RNF169: variants seen among roughly 807,000 people sequenced by gnomAD.
RNF169 encodes the protein ring finger protein 169, also known as E3 ubiquitin-protein ligase RNF169.
RNF169 carries 24 observed loss-of-function variants against 53.9 expected under a neutral mutation model. The observed-to-expected ratio is 0.45, with a 90% confidence interval of 0.32 to 0.63. The LOEUF is 0.63. Ranked by LOEUF, RNF169 falls within the 20% of genes least tolerant of loss-of-function variation. The pLI is 0.04. For synonymous variants in RNF169, 396 were observed against 363.5 expected (o/e 1.09, Z -1.02); for missense variants, 883 against 906.2 (o/e 0.97, Z 0.33).
chr11:74,834,071 A>G (rs2135152381), intron 4 of RNF169, among the ~76,000 whole-genome samples: 1 of 152,320 alleles, frequency 6.6e-6, no homozygotes, highest in South Asian at 2.1e-4. Flanking sequence ...TTCAGTATAG[A>G]ATCCAAGTAC....
At chr11:74,758,001 A>C (rs1591385898) in intron 1 of RNF169, among the ~76,000 whole-genome samples, 1 of 76,230 alleles carries the variant, frequency 1.3e-5, no homozygotes, top group Non-Finnish European at 2.2e-5. Flanking sequence ...TCTTTAGTTT[A>C]ATTAGATCCC....
chr11:74,767,950 A>T (rs1044936965), intron 1 of RNF169, among the ~76,000 whole-genome samples: 3 of 152,204 alleles, frequency 2.0e-5, no homozygotes, highest in Middle Eastern at 3.4e-3. Context: ...AGGTCTTGAG[A>T]TTACAGGTGT....
At position 74,841,114 on chromosome 11, in the gene RNF169, A is replaced by G. The variant is rs1449686905; in HGVS notation, c.*4384A>G. 2 of 152,174 alleles carry G rather than the reference A, an allele frequency of 1.3e-5. No individual in the cohort carries two copies. Among genetic ancestry groups the G allele is most frequent in the Non-Finnish European group, 2.9e-5 (2 of 68,038 alleles). 9.4% of individuals were successfully genotyped at this position (152,174 alleles called of 1,614,324 possible). ...TTTTGATTGGAATAATTTTAATTAA[A>G]TTTAATGATTTTAATTAAGAATTAA... On this transcript the variant is annotated 3_prime_UTR_variant, in exon 6 of 6. Transcript: ENST00000299563.
chr11:74,806,031 A>G (rs1446444551), intron 2 of RNF169, among the ~76,000 whole-genome samples: 2 of 152,160 alleles, frequency 1.3e-5, no homozygotes, highest in Non-Finnish European at 1.5e-5. Context: ...ACATGTATAT[A>G]TATACACACA....
At chr11:74,810,356 T>C (rs199997971) in intron 3 of RNF169, 26 bp downstream of exon 3, 50 of 1,609,978 alleles carry the variant, frequency 3.1e-5, no homozygotes, top group Non-Finnish European at 4.1e-5. Context: ...TTTTAATGGA[T>C]ACCTGCCTCA....
At chr11:74,778,988 G>A (rs930783878) in intron 1 of RNF169, among the ~76,000 whole-genome samples, 7 of 152,142 alleles carry the variant, frequency 4.6e-5, no homozygotes, top group South Asian at 2.1e-4. Context: ...GCAATACTGC[G>A]TATTATTAAA....
In RNF169 at chr11:74,839,203, T is replaced by G. The variant is rs1444626708; in HGVS notation, c.*2473T>G. 2 of 152,188 alleles carry G rather than the reference T, an allele frequency of 1.3e-5. No homozygotes were observed. Among genetic ancestry groups the G allele is most frequent in the East Asian group, 3.8e-4 (2 of 5,196 alleles). 9.4% of individuals were successfully genotyped at this position (152,188 alleles called of 1,614,324 possible). On this transcript the variant is annotated 3_prime_UTR_variant, in exon 6 of 6. Transcript: ENST00000299563. Reference sequence around the variant, plus strand: ...TGATGCCTAGGATGGTATTGACAGTTGTTTTCTAAACTTCCTGCTGAGCAA... The same window carrying G: ...TGATGCCTAGGATGGTATTGACAGTGGTTTTCTAAACTTCCTGCTGAGCAA...
chr11:74,835,540 T>C lies in RNF169; in HGVS notation c.943-6T>C. 2 of 1,608,660 alleles carry C rather than the reference T, an allele frequency of 1.2e-6. No homozygotes were observed. The highest frequency in any genetic ancestry group is 1.7e-6 in the Non-Finnish European group (2 of 1,175,726). On this transcript the variant is annotated splice_region_variant and splice_polypyrimidine_tract_variant and intron_variant, in intron 5 of 5. Coordinates refer to ENST00000299563, the MANE Select transcript of RNF169 (RefSeq NM_001098638.2). ...ATGAAGGCATAATCTTTTTAATCTC[T>C]TTCAGGTCACAACTATGACTCCAGC...
intron 1 of RNF169, among the ~76,000 whole-genome samples, chr11:74,771,046 A>AT (rs762053137): frequency 6.6e-6 from 1 of 151,910 alleles, no homozygotes. Flanking sequence ...ACCTCAGGTG[A>AT]TCCCCCCCGC....
intron 2 of RNF169, among the ~76,000 whole-genome samples, chr11:74,794,758 G>T (rs1251367987): frequency 6.6e-6 from 1 of 152,126 alleles, no homozygotes; most frequent in African/African-American, 2.4e-5. Context: ...ACAGAGAGGG[G>T]TCATGAGTGT....
At chr11:74,754,161 G>T (rs1227988641) in intron 1 of RNF169, among the ~76,000 whole-genome samples, 1 of 152,120 alleles carries the variant, frequency 6.6e-6, no homozygotes, top group Non-Finnish European at 1.5e-5. Flanking sequence ...AAATATTAAA[G>T]ATCTCTCTCT....
At chr11:74,781,893 G>A (rs2035421779) in intron 1 of RNF169, among the ~76,000 whole-genome samples, 1 of 152,170 alleles carries the variant, frequency 6.6e-6, no homozygotes, top group South Asian at 2.1e-4. Flanking sequence ...GATAACCATA[G>A]CACCTTCCCA....
intron 1 of RNF169, among the ~76,000 whole-genome samples, chr11:74,776,836 A>T (rs1183912146): frequency 1.3e-5 from 2 of 152,236 alleles, no homozygotes; most frequent in Non-Finnish European, 2.9e-5. Context: ...TAGTGGAGGC[A>T]GGATATGGCA....
intron 1 of RNF169, among the ~76,000 whole-genome samples, chr11:74,782,711 A>T (rs895668899): frequency 2.0e-5 from 3 of 152,182 alleles, no homozygotes; most frequent in Non-Finnish European, 2.9e-5. Context: ...AAAACACATT[A>T]GTCCTCAGTT....
At chr11:74,770,647 C>T (rs182011655) in intron 1 of RNF169, among the ~76,000 whole-genome samples, 1 of 152,220 alleles carries the variant, frequency 6.6e-6, no homozygotes, top group East Asian at 1.9e-4. Flanking sequence ...TACGTTTAGC[C>T]TCTTGGCTAG....
At chr11:74,801,256 G>C (rs2035725342) in intron 2 of RNF169, among the ~76,000 whole-genome samples, 1 of 152,176 alleles carries the variant, frequency 6.6e-6, no homozygotes, top group African/African-American at 2.4e-5. Flanking sequence ...TTGTATGCAA[G>C]AGATCGTTTG....
chr11:74,780,738 A>C (rs1341604717), intron 1 of RNF169, among the ~76,000 whole-genome samples: 1 of 152,228 alleles, frequency 6.6e-6, no homozygotes, highest in Non-Finnish European at 1.5e-5. Flanking sequence ...GTTGAGAATA[A>C]CTAGAAAAGC....
At chr11:74,768,222 A>C (rs1357560219) in intron 1 of RNF169, among the ~76,000 whole-genome samples, 7 of 152,228 alleles carry the variant, frequency 4.6e-5, no homozygotes, top group Admixed American at 1.3e-4. Flanking sequence ...TGGCCATTAC[A>C]AATCACTAGG....
At position 74,837,065 on chromosome 11, in the gene RNF169, T is replaced by A; in HGVS notation, c.*335T>A. 1 of 188,746 alleles carries A rather than the reference T, an allele frequency of 5.3e-6. No individual in the cohort carries two copies. Among genetic ancestry groups the A allele is most frequent in the Admixed American group, 5.6e-5 (1 of 17,940 alleles). The allele number at this position is 188,746 out of a possible 1,614,324, so 11.7% of individuals were successfully genotyped here. A position where few individuals can be genotyped will look rare whatever the true frequency, so the allele number is the denominator to read the frequency against. ...TACCTTCTTAAACTGATAGACTTCC[T>A]GACTTCTTTCAGCAGGGTATTGTTT... On this transcript the variant is annotated 3_prime_UTR_variant, in exon 6 of 6. Coordinates refer to ENST00000299563, the MANE Select transcript of RNF169 (RefSeq NM_001098638.2).
Sources: allele counts gnomAD v4.1 joint callset (sites outside exome capture counted in the v4.1 genomes callset), GRCh38; gene constraint gnomAD v4.1.1; transcripts MANE v1.5; gene names NCBI Gene and HGNC (gene_info 2026-07-23, HGNC 2026-07-21).